RPH3AL: variants seen among roughly 807,000 people sequenced by gnomAD.
RPH3AL encodes the protein rab effector Noc2.
In RPH3AL, 38 loss-of-function variants were observed where a neutral mutation model predicts 43.1. The ratio of observed to expected loss-of-function variants is 0.88; its 90% confidence interval spans 0.68 to 1.15. The LOEUF (loss-of-function observed/expected upper bound fraction) is 1.15. Ranked by LOEUF, RPH3AL falls within the 50% of genes most tolerant of loss-of-function variation. The pLI, the probability that RPH3AL is intolerant of heterozygous loss-of-function variation, is 0.00. For synonymous variants in RPH3AL, 189 were observed against 176.3 expected, an observed-to-expected ratio of 1.07 and a Z score of -0.57; for missense variants, 462 against 423.2, an observed-to-expected ratio of 1.09 and a Z score of -0.81.
intron 2 of RPH3AL, among the ~76,000 whole-genome samples, chr17:329,471 C>T (rs535343068): frequency 9.5e-4 from 145 of 152,232 alleles, no homozygotes; most frequent in Middle Eastern, 3.4e-3. Flanking sequence ...AGCGAAACTC[C>T]GTCTCAAAAA....
At chr17:231,045 C>CGTATCT (rs977195392) in intron 7 of RPH3AL, among the ~76,000 whole-genome samples, 1 of 152,172 alleles carries the variant, frequency 6.6e-6, no homozygotes, top group Non-Finnish European at 1.5e-5. Flanking sequence ...CATTTCCCTC[C>CGTATCT]GTATCTGTGT....
intron 3 of RPH3AL, among the ~76,000 whole-genome samples, chr17:324,863 T>C (rs1486734461): frequency 2.0e-5 from 3 of 152,154 alleles, no homozygotes; most frequent in African/African-American, 7.2e-5. Context: ...GCAGCTGGGA[T>C]CACAGGCATG....
intron 1 of RPH3AL, chr17:339,583 T>A (rs1029811352): frequency 2.6e-5 from 4 of 152,098 alleles, no homozygotes; most frequent in Admixed American, 1.3e-4. Flanking sequence ...ATCACTCCTT[T>A]CAGAAAAGAA....
At chr17:296,619 C>T (rs2043187554) in intron 5 of RPH3AL, among the ~76,000 whole-genome samples, 1 of 152,208 alleles carries the variant, frequency 6.6e-6, no homozygotes, top group Non-Finnish European at 1.5e-5. Context: ...CCGCCGATGG[C>T]TCGCCATGGC....
intron 5 of RPH3AL, among the ~76,000 whole-genome samples, chr17:316,498 A>G (rs551732197): frequency 3.4e-3 from 328 of 96,242 alleles, no homozygotes; most frequent in African/African-American, 0.013. Flanking sequence ...ACTGACCTGT[A>G]GTCTCTGTGC....
rs1370452682 is a variant in RPH3AL at position 215,679 on chromosome 17, C to A, written c.851G>T (p.Arg284Leu). The change falls in exon 9 of 10, where the codon CGC (arginine) becomes CTC (leucine). Residue 284 changes from arginine to leucine, a missense_variant. Coordinates refer to ENST00000331302, the MANE Select transcript of RPH3AL (RefSeq NM_006987.4). This position sits in a 1 kb window ranked among gnomAD's most constrained non-coding sequence, Gnocchi z 4.1. Reference protein sequence around the residue: ...TGSADPPGGPRPGLTRRAPVK... With the variant: ...TGSADPPGGPLPGLTRRAPVK... ...CGGGGCCCTTCGGGTCAGCCCGGGG[C>A]GGGGTCCCCCTGGCGGGTCAGCAGA... 2.4e-6 allele frequency: 3 copies of A among 1,276,168 alleles called. No individual in the cohort carries two copies. Among genetic ancestry groups the A allele is most frequent in the Non-Finnish European group, 3.0e-6 (3 of 1,006,080 alleles). The allele number at this position is 1,276,168 out of a possible 1,614,324, so 79.1% of individuals were successfully genotyped here.
At position 264,044 on chromosome 17, in the gene RPH3AL, T is replaced by C. The variant is rs2042262388; in HGVS notation, c.439-16759A>G. Among the ~76,000 whole-genome samples the C allele has an allele frequency of 6.6e-6, 1 of 152,106 alleles. No homozygotes were observed. Among genetic ancestry groups the C allele is most frequent in the Non-Finnish European group, 1.5e-5 (1 of 68,008 alleles). On this transcript the variant is annotated intron_variant, in intron 6 of 9. Coordinates refer to ENST00000331302, the MANE Select transcript of RPH3AL (RefSeq NM_006987.4). The surrounding 1 kb of genome is among the most constrained non-coding windows in gnomAD (Gnocchi z 4.8). Reference sequence around the variant, plus strand: ...TTTCCAAGATGGCTGGGCGGGGATCTCTGATCAGATTTCAAAGCCACGATT... The same window carrying C: ...TTTCCAAGATGGCTGGGCGGGGATCCCTGATCAGATTTCAAAGCCACGATT...
At chr17:280,030 C>T (rs1242443597) in intron 6 of RPH3AL, among the ~76,000 whole-genome samples, 1 of 152,188 alleles carries the variant, frequency 6.6e-6, no homozygotes, top group East Asian at 1.9e-4. Context: ...TTTCCTGTTC[C>T]AAAGACACGG....
rs539604556 is a variant in RPH3AL at position 245,502 on chromosome 17, G to C, written c.613+1609C>G. ...GAGTGTGTGTGTATGCCCTGACTTG[G>C]AGCAGACGGGGCAGTGGCAGCTCTT... is the stretch of plus-strand genomic sequence containing the variant. On this transcript the variant is annotated intron_variant, in intron 7 of 9. Transcript: ENST00000331302. The surrounding 1 kb of genome is among the most constrained non-coding windows in gnomAD (Gnocchi z 5.9). Among the ~76,000 whole-genome samples the C allele has an allele frequency of 6.6e-6, 1 of 152,080 alleles. No individual in the cohort carries two copies. Among genetic ancestry groups the C allele is most frequent in the South Asian group, 2.1e-4 (1 of 4,812 alleles).
intron 8 of RPH3AL, among the ~76,000 whole-genome samples, chr17:216,550 T>C (rs1192324840): frequency 6.6e-6 from 1 of 151,930 alleles, no homozygotes; most frequent in African/African-American, 2.4e-5. Context: ...CAGTCCTGCT[T>C]GGTCAGAGCT....
intron 5 of RPH3AL, among the ~76,000 whole-genome samples, chr17:301,013 A>G (rs2043315774): frequency 6.6e-6 from 1 of 152,248 alleles, no homozygotes; most frequent in Admixed American, 6.5e-5. Flanking sequence ...TCCTCCACGT[A>G]TCCAACTATT....
At chr17:294,186 G>A (rs1429534987) in intron 5 of RPH3AL, among the ~76,000 whole-genome samples, 5 of 152,100 alleles carry the variant, frequency 3.3e-5, no homozygotes, top group Non-Finnish European at 4.4e-5. Flanking sequence ...GAGGTGTGAG[G>A]TGTGAGGAGT....
At chr17:235,101 C>T (rs112866862) in intron 7 of RPH3AL, among the ~76,000 whole-genome samples, 2 of 151,386 alleles carry the variant, frequency 1.3e-5, no homozygotes, top group South Asian at 2.1e-4. Context: ...AGACGGGTCC[C>T]GGGTTCAAAG....
intron 6 of RPH3AL, among the ~76,000 whole-genome samples, chr17:253,663 T>C (rs997739211): frequency 1.3e-5 from 2 of 151,820 alleles, no homozygotes; most frequent in Admixed American, 6.6e-5. Flanking sequence ...GTCTGCTGTC[T>C]GTCCCTAGGA....
rs2040705029 is a variant in RPH3AL at position 212,706 on chromosome 17, C to G, written c.*1146G>C. The G allele has an allele frequency of 6.6e-6, 1 of 152,018 alleles. No individual in the cohort carries two copies. Among genetic ancestry groups the G allele is most frequent in the Admixed American group, 6.6e-5 (1 of 15,262 alleles). 9.4% of individuals were successfully genotyped at this position (152,018 alleles called of 1,614,324 possible). A position where few individuals can be genotyped will look rare whatever the true frequency, so the allele number is the denominator to read the frequency against. ...GGGAGGGTGTGATCACCGACACACA[C>G]ACACACGTTCTCTCTCTTCAGGGAA... On this transcript the variant is annotated 3_prime_UTR_variant, in exon 10 of 10. Coordinates refer to ENST00000331302, the MANE Select transcript of RPH3AL (RefSeq NM_006987.4).
At chr17:227,523 T>C (rs11150887) in intron 7 of RPH3AL, among the ~76,000 whole-genome samples, 142,552 of 152,244 alleles carry the variant, frequency 0.94, 66,877 homozygotes, top group African/African-American at 0.96. Context: ...CACCTGTCTC[T>C]GTGGCCCCAG....
intron 5 of RPH3AL, among the ~76,000 whole-genome samples, chr17:305,018 G>C (rs1187064499): frequency 3.2e-5 from 2 of 62,330 alleles, no homozygotes; most frequent in Non-Finnish European, 5.9e-5. Context: ...GCGAGAGGGG[G>C]ACAGGGCGGG....
Position 274,517 on chromosome 17 carries a change from T to C in RPH3AL, c.438+7251A>G, listed in dbSNP as rs1388833880. Among the ~76,000 whole-genome samples the C allele has an allele frequency of 2.0e-5, 3 of 152,314 alleles. No homozygotes were observed. The highest frequency in any genetic ancestry group is 3.9e-4 in the East Asian group (2 of 5,180). ...AGCCAGTCCGGCAATGTGAGTTGCA[T>C]TGGGGAAGGAGTATTTCCTGAAGCA... On this transcript the variant is annotated intron_variant, in intron 6 of 9. Coordinates refer to ENST00000331302, the MANE Select transcript of RPH3AL (RefSeq NM_006987.4). This position sits in a 1 kb window ranked among gnomAD's most constrained non-coding sequence, Gnocchi z 4.7.
intron 7 of RPH3AL, among the ~76,000 whole-genome samples, chr17:243,545 C>T (rs754155977): frequency 6.9e-6 from 1 of 144,482 alleles, no homozygotes; most frequent in Admixed American, 6.9e-5. Context: ...TATTGATTAC[C>T]TTCCTCTACT....
Sources: gnomAD v4.1 joint callset for allele counts (sites outside exome capture counted in the v4.1 genomes callset) on GRCh38, gnomAD v4.1.1 for gene constraint, Gnocchi (gnomAD v3.1) non-coding constraint, MANE v1.5 for transcripts, NCBI Gene and HGNC (gene_info 2026-07-23, HGNC 2026-07-21) for gene names.